Variants in EBF4 observed in about 807,000 individuals in gnomAD.
EBF4 encodes EBF transcription factor 4.
Under a neutral mutation model 67.1 loss-of-function variants are expected in EBF4, and 34 were observed. The ratio of observed to expected loss-of-function variants is 0.51; its 90% confidence interval spans 0.39 to 0.67. The LOEUF is 0.67. Ranked by LOEUF, EBF4 falls within the 30% of genes least tolerant of loss-of-function variation. EBF4 has a pLI of 0.00. For missense variants in EBF4, 837 were observed against 873.3 expected, an observed-to-expected ratio of 0.96 and a Z score of 0.52; for synonymous variants, 387 against 377.7, an observed-to-expected ratio of 1.02 and a Z score of -0.29.
At chr20:2,759,437 C>G (rs866045110), downstream of EBF4, 5 of 213,700 alleles carry the variant, frequency 2.3e-5, no homozygotes, top group Admixed American at 5.1e-5. Flanking sequence ...CGCTAGCAGC[C>G]CCACAGGCTT....
intron 15 of EBF4, 179 bp from the exon 16 acceptor site, chr20:2,758,730 A>C: frequency 3.2e-6 from 2 of 629,772 alleles, no homozygotes; most frequent in South Asian, 3.7e-5. Context: ...TCCCCTGAGC[A>C]TCTGAGAGGC....
chr20:2,712,496 G>A (rs555805531), intron 6 of EBF4, among the ~76,000 whole-genome samples: 1 of 152,192 alleles, frequency 6.6e-6, no homozygotes, highest in Non-Finnish European at 1.5e-5. Context: ...GTGATTTGGG[G>A]AAGAGCAGGT....
rs3859662 is a variant in EBF4 at position 2,737,060 on chromosome 20, T to C, written c.558-11489T>C. 2.3e-3 allele frequency among the ~76,000 whole-genome samples: 351 copies of C among 151,624 alleles called. 2 individuals carry two copies. The highest frequency in any genetic ancestry group is 7.6e-3 in the African/African-American group (315 of 41,354). On this transcript the variant is annotated intron_variant, in intron 6 of 16. Coordinates refer to ENST00000609451, the Ensembl canonical transcript of EBF4. ...GTCAGGAGATGGAGACCATCCTGGC[T>C]AACACGGTGAAACCCCGTCTCTACT...
intron 1 of EBF4, among the ~76,000 whole-genome samples, chr20:2,702,262 C>T (rs2087386918): frequency 6.6e-6 from 1 of 152,058 alleles, no homozygotes; most frequent in African/African-American, 2.4e-5. Flanking sequence ...AGTGAGACCC[C>T]ATCTCTCCAA....
chr20:2,759,018 C>G (rs1600251961), intron 16 of EBF4, 34 bp downstream of exon 16: 23 of 1,533,514 alleles, frequency 1.5e-5, no homozygotes, highest in Non-Finnish European at 1.9e-5. Context: ...CTCCCCCGCC[C>G]CACCTGGCCC....
intron 1 of EBF4, among the ~76,000 whole-genome samples, chr20:2,701,832 T>G (rs912158915): frequency 2.6e-5 from 4 of 152,290 alleles, no homozygotes; most frequent in African/African-American, 9.6e-5. Flanking sequence ...TCTCTCCCAC[T>G]AGGTGGTCCT....
chr20:2,724,355 T>C (rs568355186), intron 6 of EBF4, among the ~76,000 whole-genome samples: 3 of 152,188 alleles, frequency 2.0e-5, no homozygotes, highest in African/African-American at 7.2e-5. Context: ...ATATGAATAA[T>C]TTTTTTTAAC....
intron 4 of EBF4, 102 bp downstream of exon 4, chr20:2,706,366 A>G (rs1726985763): frequency 5.9e-6 from 8 of 1,357,014 alleles, no homozygotes; most frequent in African/African-American, 1.4e-5. Context: ...TCATCTCCCT[A>G]TGCCCTCCGT....
chr20:2,696,731 G>T lies in EBF4; in HGVS notation c.137+2949G>T, dbSNP rs2087293738. Among the ~76,000 whole-genome samples the T allele has an allele frequency of 6.6e-6, 1 of 152,116 alleles. No homozygotes were observed. Among genetic ancestry groups the T allele is most frequent in the Non-Finnish European group, 1.5e-5 (1 of 67,998 alleles). On this transcript the variant is annotated intron_variant, in intron 1 of 16. Transcript: ENST00000609451. The surrounding 1 kb of genome is among the most constrained non-coding windows in gnomAD (Gnocchi z 4.7). ...ACATCCCCTGGATTAAGTCTCACCA[G>T]CCTCAGGACTCCCTCTTACACCCAC...
chr20:2,743,601 G>A (rs985417382), intron 6 of EBF4, among the ~76,000 whole-genome samples: 2 of 152,138 alleles, frequency 1.3e-5, no homozygotes, highest in African/African-American at 2.4e-5. Flanking sequence ...GAGTGCGTGC[G>A]TATATGGAAA....
At chr20:2,726,318 G>A (rs981309559) in intron 6 of EBF4, among the ~76,000 whole-genome samples, 21 of 152,118 alleles carry the variant, frequency 1.4e-4, no homozygotes, top group African/African-American at 5.1e-4. Context: ...AGGAGGTGAG[G>A]TGTAGTACCA....
At chr20:2,706,287 G>C in intron 4 of EBF4, 23 bp downstream of exon 4, 1 of 1,551,544 alleles carries the variant, frequency 6.4e-7, no homozygotes, top group Non-Finnish European at 8.7e-7. Flanking sequence ...AGAGGGTGCT[G>C]AGGCCCATCT....
intron 6 of EBF4, among the ~76,000 whole-genome samples, chr20:2,719,160 A>G (rs1441583369): frequency 2.0e-5 from 3 of 151,874 alleles, no homozygotes; most frequent in African/African-American, 7.3e-5. Flanking sequence ...TGGCATTATG[A>G]TGGCTCACTG....
At chr20:2,705,480 G>T in intron 1 of EBF4, 97 bp from the exon 2 acceptor site, 1 of 1,513,812 alleles carries the variant, frequency 6.6e-7, no homozygotes, top group Non-Finnish European at 9.0e-7. Context: ...GCATCTTGGA[G>T]CCATGTCCTG....
chr20:2,732,176 C>T (rs540532164), intron 6 of EBF4, among the ~76,000 whole-genome samples: 1 of 152,046 alleles, frequency 6.6e-6, no homozygotes, highest in South Asian at 2.1e-4. Context: ...AGTCTCAACT[C>T]ACTACAGCCT....
chr20:2,698,130 G>GGAGA (rs1463168343), intron 1 of EBF4, among the ~76,000 whole-genome samples: 1 of 152,222 alleles, frequency 6.6e-6, no homozygotes, highest in Non-Finnish European at 1.5e-5. Flanking sequence ...AAGAAGAGGG[G>GGAGA]GAGAGCAGGC....
intron 6 of EBF4, among the ~76,000 whole-genome samples, 179 bp downstream of exon 6, chr20:2,709,821 C>T (rs2087515889): frequency 6.6e-6 from 1 of 152,060 alleles, no homozygotes; most frequent in African/African-American, 2.4e-5. Flanking sequence ...CAGCCGTGGC[C>T]CCTGAGTGAG....
intron 6 of EBF4, among the ~76,000 whole-genome samples, chr20:2,723,915 A>G (rs2087717136): frequency 6.6e-6 from 1 of 151,858 alleles, no homozygotes; most frequent in African/African-American, 2.4e-5. Context: ...ATTTCATTTG[A>G]TGTGTGTGTG....
intron 7 of EBF4, 147 bp downstream of exon 7, chr20:2,748,777 T>C: frequency 2.2e-6 from 2 of 908,118 alleles, no homozygotes. Flanking sequence ...CCCAGCCTGG[T>C]TGGTGCCTGC....
Sources: allele counts gnomAD v4.1 joint callset (sites outside exome capture counted in the v4.1 genomes callset), GRCh38; gene constraint gnomAD v4.1.1; non-coding constraint Gnocchi (gnomAD v3.1); transcripts MANE v1.5; gene names NCBI Gene and HGNC (gene_info 2026-07-23, HGNC 2026-07-21).